Variants in RPH3AL observed in about 807,000 individuals in gnomAD.
RPH3AL encodes rab effector Noc2.
RPH3AL carries 38 observed loss-of-function variants against 43.1 expected under a neutral mutation model. The observed-to-expected ratio is 0.88, with a 90% CI of 0.68 to 1.15. The LOEUF (loss-of-function observed/expected upper bound fraction) is 1.15. Among genes scored for constraint, RPH3AL ranks in the 50% most tolerant of loss-of-function variants. The pLI, the probability that RPH3AL is intolerant of heterozygous loss-of-function variation, is 0.00. For missense variants in RPH3AL, 462 were observed against 423.2 expected, an observed-to-expected ratio of 1.09 and a Z score of -0.81; for synonymous variants, 189 against 176.3, an observed-to-expected ratio of 1.07 and a Z score of -0.57.
chr17:303,405 GA>G (rs546598493), intron 5 of RPH3AL, among the ~76,000 whole-genome samples: 33 of 144,952 alleles, frequency 2.3e-4, no homozygotes, highest in Middle Eastern at 3.6e-3. Context: ...AAACAATCAC[GA>G]AAAAAAAAAA....
chr17:231,117 C>T (rs1255835902), intron 7 of RPH3AL, among the ~76,000 whole-genome samples: 1 of 152,198 alleles, frequency 6.6e-6, no homozygotes, highest in Non-Finnish European at 1.5e-5. Context: ...ATGCCAGCTC[C>T]TCTCACTCTC....
At chr17:282,861 A>G (rs9913843) in intron 5 of RPH3AL, among the ~76,000 whole-genome samples, 24,839 of 152,204 alleles carry the variant, frequency 0.16, 2,389 homozygotes, top group African/African-American at 0.27. Flanking sequence ...GTATCTAAAT[A>G]TATCATAGAA....
intron 5 of RPH3AL, among the ~76,000 whole-genome samples, chr17:316,940 C>G (rs2044253665): frequency 6.9e-6 from 1 of 144,970 alleles, no homozygotes; most frequent in Non-Finnish European, 1.5e-5. Context: ...TGCTCCACCT[C>G]CATTGACCTG....
chr17:329,181 C>G (rs1026421802), intron 2 of RPH3AL, among the ~76,000 whole-genome samples: 1 of 152,006 alleles, frequency 6.6e-6, no homozygotes, highest in African/African-American at 2.4e-5. Context: ...TGAATTATAA[C>G]TCATTCACAG....
At chr17:341,909 C>A (rs576850676) in intron 1 of RPH3AL, among the ~76,000 whole-genome samples, 9 of 152,052 alleles carry the variant, frequency 5.9e-5, no homozygotes, top group Non-Finnish European at 1.3e-4. Flanking sequence ...AGGACACTAT[C>A]GAGAAGGTGA....
At chr17:318,471 A>C (rs1168686002) in intron 5 of RPH3AL, among the ~76,000 whole-genome samples, 1 of 152,184 alleles carries the variant, frequency 6.6e-6, no homozygotes, top group Admixed American at 6.5e-5. Flanking sequence ...AGAGGAAGAC[A>C]TGGTGTCTTG....
At chr17:331,991 G>A in intron 2 of RPH3AL, 3 of 739,890 alleles carry the variant, frequency 4.1e-6, no homozygotes, top group Non-Finnish European at 6.0e-6. Flanking sequence ...GAATTGGCCT[G>A]GGGAGCAGAG....
chr17:352,216 G>A (rs928412535), intron 1 of RPH3AL, among the ~76,000 whole-genome samples: 2 of 152,184 alleles, frequency 1.3e-5, no homozygotes, highest in South Asian at 2.1e-4. Flanking sequence ...AGTCTTGCAC[G>A]CAGCATAACA....
In RPH3AL at chr17:347,272, T is replaced by A. The variant is rs372292251; in HGVS notation, c.-213+5440A>T. Among the ~76,000 whole-genome samples, 13 of 151,588 alleles carry A rather than the reference T, an allele frequency of 8.6e-5. 2 individuals are homozygous for A. Among genetic ancestry groups the A allele is most frequent in the Non-Finnish European group, 1.5e-4 (10 of 67,908 alleles). On this transcript the variant is annotated intron_variant, in intron 1 of 9. Coordinates refer to ENST00000331302, the MANE Select transcript of RPH3AL (RefSeq NM_006987.4). ...GACTCCGTCCCAGATTTTAAAAAAA[T>A]AAATAAATAAATAAAAATAAAGCCA...
intron 1 of RPH3AL, chr17:338,839 G>A (rs2045033312): frequency 6.6e-6 from 1 of 152,222 alleles, no homozygotes; most frequent in South Asian, 2.1e-4. Flanking sequence ...AAGCTTCTAG[G>A]GAAAAAGAAG....
At chr17:291,874 C>T (rs944265378) in intron 5 of RPH3AL, among the ~76,000 whole-genome samples, 1 of 152,090 alleles carries the variant, frequency 6.6e-6, no homozygotes, top group African/African-American at 2.4e-5. Flanking sequence ...ATGGAGGAGT[C>T]TATATATACA....
In RPH3AL at chr17:323,117, A is replaced by G. The variant is rs1416774425; in HGVS notation, c.78-1702T>C. ...GTCAGGCATGGCTTTACCATGTGTG[A>G]GCTTTTGCAGGATGAACAGGTGCTT... is the stretch of plus-strand genomic sequence containing the variant. On this transcript the variant is annotated intron_variant, in intron 3 of 9. Transcript: ENST00000331302. This position sits in a 1 kb window ranked among gnomAD's most constrained non-coding sequence, Gnocchi z 4.4. Among the ~76,000 whole-genome samples the G allele has an allele frequency of 6.6e-6, 1 of 152,012 alleles. No homozygotes were observed. The highest frequency in any genetic ancestry group is 1.5e-5 in the Non-Finnish European group (1 of 68,000).
chr17:272,572 A>C (rs1045951082), intron 6 of RPH3AL, among the ~76,000 whole-genome samples: 5 of 121,400 alleles, frequency 4.1e-5, no homozygotes, highest in African/African-American at 1.3e-4. Context: ...ACATGGACAC[A>C]GGAAAGGGAA....
At chr17:286,600 C>G (rs549140728) in intron 5 of RPH3AL, among the ~76,000 whole-genome samples, 1 of 152,206 alleles carries the variant, frequency 6.6e-6, no homozygotes, top group African/African-American at 2.4e-5. Flanking sequence ...ATAAAGAAAA[C>G]GAAACAGGTG....
rs2040897674 is a variant in RPH3AL, at chr17:219,499, A to G, written c.727+124T>C. 3.0e-5 allele frequency: 15 copies of G among 503,246 alleles called. No individual in the cohort carries two copies. In the South Asian group the frequency reaches 3.1e-4, roughly 10 times the overall value. The allele number at this position is 503,246 out of a possible 1,614,324, so 31.2% of individuals were successfully genotyped here. A position where few individuals can be genotyped will look rare whatever the true frequency, so the allele number is the denominator to read the frequency against. ...GACATAAGCCACTGTGCCCGGCCTA[A>G]TAGTTTCATTTCTTTTCTTTTTCTT... is the stretch of plus-strand genomic sequence containing the variant. On this transcript the variant is annotated intron_variant, in intron 8 of 9. Coordinates refer to ENST00000331302, the MANE Select transcript of RPH3AL (RefSeq NM_006987.4).
Position 289,190 on chromosome 17 carries a change from T to G in RPH3AL, c.352-7336A>C, listed in dbSNP as rs952299409. ...TAACAGGCCCCCCCACACCCCAGGTTGCAGATGAGGGGATCAAGGGAGACG... is the reference window on the plus strand; with the variant it reads ...TAACAGGCCCCCCCACACCCCAGGTGGCAGATGAGGGGATCAAGGGAGACG... On this transcript the variant is annotated intron_variant, in intron 5 of 9. Coordinates refer to ENST00000331302, the MANE Select transcript of RPH3AL (RefSeq NM_006987.4). The surrounding 1 kb of genome is among the most constrained non-coding windows in gnomAD (Gnocchi z 5.2). Among the ~76,000 whole-genome samples, 1 of 152,022 alleles carries G rather than the reference T, an allele frequency of 6.6e-6. No homozygotes were observed. The highest frequency in any genetic ancestry group is 1.5e-5 in the Non-Finnish European group (1 of 67,994).
chr17:338,242 G>GT (rs1021154905), intron 1 of RPH3AL, among the ~76,000 whole-genome samples: 79 of 152,218 alleles, frequency 5.2e-4, no homozygotes, highest in African/African-American at 1.8e-3. Flanking sequence ...CAGGAGGATC[G>GT]TTTGAGCTCA....
At chr17:307,548 T>C (rs1397651630) in intron 5 of RPH3AL, among the ~76,000 whole-genome samples, 1 of 152,176 alleles carries the variant, frequency 6.6e-6, no homozygotes, top group East Asian at 1.9e-4. Context: ...GGGCAGGGGC[T>C]GGCATCTCTA....
intron 5 of RPH3AL, among the ~76,000 whole-genome samples, chr17:313,321 T>G (rs1007552251): frequency 6.6e-6 from 1 of 152,184 alleles, no homozygotes. Flanking sequence ...AACACTCCAC[T>G]GGCATCTCAT....
Sources: allele counts gnomAD v4.1 joint callset (sites outside exome capture counted in the v4.1 genomes callset), GRCh38; gene constraint gnomAD v4.1.1; non-coding constraint Gnocchi (gnomAD v3.1); transcripts MANE v1.5; gene names NCBI Gene and HGNC (gene_info 2026-07-23, HGNC 2026-07-21).